The following TMEFF2 variants were observed in gnomAD, a reference collection of about 807,000 sequenced individuals.
TMEFF2 encodes the protein transmembrane protein with EGF like and two follistatin like domains 2.
TMEFF2 carries 28 observed loss-of-function variants against 53.8 expected under a neutral mutation model. The ratio of observed to expected loss-of-function variants is 0.52; its 90% confidence interval spans 0.39 to 0.71. The LOEUF (loss-of-function observed/expected upper bound fraction) is 0.71. Among genes scored for constraint, TMEFF2 ranks in the 30% least tolerant of loss-of-function variants. The probability of loss-of-function intolerance (pLI) is 0.00; values close to 1 mark genes in which losing one functional copy is unlikely to be tolerated. For synonymous variants in TMEFF2, 162 were observed against 166.3 expected (o/e 0.97, Z 0.20); for missense variants, 353 against 455.2 (o/e 0.78, Z 2.04).
intron 4 of TMEFF2, among the ~76,000 whole-genome samples, chr2:192,097,187 T>C (rs1156893287): frequency 6.6e-6 from 1 of 152,246 alleles, no homozygotes; most frequent in African/African-American, 2.4e-5. Context: ...CTTCTACACG[T>C]GAAAAGCTCC....
At position 192,057,673 on chromosome 2, in the gene TMEFF2, T is replaced by C. The variant is rs751805438; in HGVS notation, c.536+6A>G. 1 of 1,611,748 alleles carries C rather than the reference T, an allele frequency of 6.2e-7. No homozygotes were observed. Among genetic ancestry groups the C allele is most frequent in the Non-Finnish European group, 8.5e-7 (1 of 1,177,842 alleles). On this transcript the variant is annotated splice_donor_region_variant and intron_variant, in intron 5 of 9. Transcript: ENST00000272771. The stretch of plus-strand genomic sequence containing the variant: ...TTTGTCTAAAAGAATAAAAACAGCA[T>C]ATTACCAGACATCCTCGGCATCTTC...
At chr2:192,131,569 ATC>A (rs1258159476) in intron 4 of TMEFF2, among the ~76,000 whole-genome samples, 1 of 151,066 alleles carries the variant, frequency 6.6e-6, no homozygotes, top group South Asian at 2.1e-4. Context: ...CCAACCTCTT[ATC>A]TCTGTGCCCC....
At chr2:192,123,814 GA>G (rs1353152217) in intron 4 of TMEFF2, among the ~76,000 whole-genome samples, 4 of 151,996 alleles carry the variant, frequency 2.6e-5, no homozygotes, top group African/African-American at 7.2e-5. Flanking sequence ...TTCCTACTTG[GA>G]AAAAAAATGT....
chr2:192,152,472 A>T (rs556052630), intron 4 of TMEFF2, among the ~76,000 whole-genome samples: 2 of 152,056 alleles, frequency 1.3e-5, no homozygotes, highest in Admixed American at 1.3e-4. Context: ...GGGTCATGAA[A>T]AAAAAGGATT....
In TMEFF2 at chr2:192,000,643, TGA is replaced by T. The variant is rs1488757910; in HGVS notation, c.537-1437_537-1436del. On this transcript the variant is annotated intron_variant, in intron 5 of 9. Transcript: ENST00000272771. ...ATCACTGCTTGATCAGTCTGTTGATTGAGAGAGGCTTTGTATACACACCAGTG... is the reference window on the plus strand; with the variant it reads ...ATCACTGCTTGATCAGTCTGTTGATTGAGAGGCTTTGTATACACACCAGTG... Among the ~76,000 whole-genome samples, 93 of 152,300 alleles carry T rather than the reference TGA, an allele frequency of 6.1e-4. 3 individuals are homozygous for T. The highest frequency in any genetic ancestry group is 5.9e-3 in the Admixed American group (90 of 15,294).
intron 5 of TMEFF2, among the ~76,000 whole-genome samples, chr2:192,004,091 A>G (rs1001124850): frequency 1.3e-5 from 2 of 152,184 alleles, no homozygotes; most frequent in Admixed American, 6.5e-5. Flanking sequence ...AACATCTTCA[A>G]TAAATGGTTG....
At chr2:192,100,510 C>T (rs1559126264) in intron 4 of TMEFF2, among the ~76,000 whole-genome samples, 1 of 152,140 alleles carries the variant, frequency 6.6e-6, no homozygotes, top group East Asian at 1.9e-4. Context: ...CTCACTACTA[C>T]TGTGATACTT....
At chr2:191,964,976 C>T (rs1271278476) in intron 7 of TMEFF2, among the ~76,000 whole-genome samples, 1 of 152,080 alleles carries the variant, frequency 6.6e-6, no homozygotes, top group Non-Finnish European at 1.5e-5. Flanking sequence ...GTGTAGGCTC[C>T]CATTTTCCAA....
intron 4 of TMEFF2, among the ~76,000 whole-genome samples, chr2:192,167,875 C>T (rs765120491): frequency 1.3e-5 from 2 of 152,128 alleles, no homozygotes; most frequent in Non-Finnish European, 2.9e-5. Flanking sequence ...GAGTGGCTTC[C>T]GTGTTGATGC....
intron 4 of TMEFF2, among the ~76,000 whole-genome samples, chr2:192,070,973 C>T (rs940508102): frequency 1.3e-5 from 2 of 151,738 alleles, no homozygotes; most frequent in South Asian, 2.1e-4. Context: ...GAAAGTGACA[C>T]GGGGTCACTT....
At chr2:191,965,942 G>A (rs776304662) in intron 7 of TMEFF2, among the ~76,000 whole-genome samples, 2 of 150,974 alleles carry the variant, frequency 1.3e-5, no homozygotes, top group Admixed American at 6.6e-5. Flanking sequence ...TGTGTGACAC[G>A]TTAGTTCAGA....
In TMEFF2 at chr2:191,955,164, GGAGAGAGAGGGAGA is replaced by G. The variant is rs1305846079; in HGVS notation, c.869+1077_869+1090del. ...GGGGAGGGGGGAGGGAGGAAGAGTG[GGAGAGAGAGGGAGA>G]GAGAGAGAGAGAGAGAAATCTTCTG... On this transcript the variant is annotated intron_variant, in intron 8 of 9. Transcript: ENST00000272771. Among the ~76,000 whole-genome samples, 5 of 9,054 alleles carry G rather than the reference GGAGAGAGAGGGAGA, an allele frequency of 5.5e-4. No individual in the cohort carries two copies. In the East Asian group the frequency reaches 0.021, roughly 38 times the overall value. 5.9% of individuals were successfully genotyped at this position (9,054 alleles called of 152,430 possible). A position where few individuals can be genotyped will look rare whatever the true frequency, so the allele number is the denominator to read the frequency against.
At chr2:191,954,554 T>G (rs1692004655) in intron 8 of TMEFF2, among the ~76,000 whole-genome samples, 1 of 152,136 alleles carries the variant, frequency 6.6e-6, no homozygotes, top group Admixed American at 6.5e-5. Flanking sequence ...TCTGATGACA[T>G]GGGTACAAAA....
chr2:191,979,857 G>GATCTATCTATCTATCT lies in TMEFF2; in HGVS notation c.745+18389_745+18404dup, dbSNP rs535953153. Among the ~76,000 whole-genome samples, 116 of 150,724 alleles carry GATCTATCTATCTATCT rather than the reference G, an allele frequency of 7.7e-4. 1 individual carries two copies. Among genetic ancestry groups the GATCTATCTATCTATCT allele is most frequent in the African/African-American group, 2.6e-3 (106 of 41,088 alleles). ...CTATATATATCTCTATCTATCTATC[G>GATCTATCTATCTATCT]ATCTATCTATCTATCTATATGTTTT... On this transcript the variant is annotated intron_variant, in intron 7 of 9. Coordinates refer to ENST00000272771, the MANE Select transcript of TMEFF2 (RefSeq NM_016192.4).
At chr2:192,097,820 A>C (rs1448574705) in intron 4 of TMEFF2, among the ~76,000 whole-genome samples, 5 of 152,216 alleles carry the variant, frequency 3.3e-5, no homozygotes, top group Middle Eastern at 3.2e-3. Context: ...TAAAAATTTT[A>C]TAAATGAATT....
intron 4 of TMEFF2, among the ~76,000 whole-genome samples, chr2:192,073,191 A>G (rs1044126303): frequency 6.6e-6 from 1 of 151,980 alleles, no homozygotes; most frequent in Non-Finnish European, 1.5e-5. Context: ...AGGTATTTTT[A>G]AATGGGGAAG....
intron 7 of TMEFF2, among the ~76,000 whole-genome samples, chr2:191,995,166 C>T (rs1686194445): frequency 6.6e-6 from 1 of 151,924 alleles, no homozygotes; most frequent in African/African-American, 2.4e-5. Context: ...CCTGCTGATC[C>T]TTGCTGGGAT....
chr2:192,031,815 A>G (rs1466005333), intron 5 of TMEFF2: 2 of 152,216 alleles, frequency 1.3e-5, no homozygotes, highest in African/African-American at 4.8e-5. Flanking sequence ...TTTTCAAGGA[A>G]GATGACCCAC....
rs561720429 is a variant in TMEFF2, at chr2:192,049,089, T to C, written c.536+8590A>G. 3.9e-5 allele frequency among the ~76,000 whole-genome samples: 6 copies of C among 152,346 alleles called. No homozygotes were observed. The East Asian group carries it at 7.7e-4, about 20-fold the overall frequency. On this transcript the variant is annotated intron_variant, in intron 5 of 9. Transcript: ENST00000272771. The stretch of plus-strand genomic sequence containing the variant: ...TCATCCCAAACTGCCACTTAAAGTC[T>C]TTGTTTTCCCATTAAAACATGTAAA...
Sources: allele counts gnomAD v4.1 joint callset (sites outside exome capture counted in the v4.1 genomes callset), GRCh38; gene constraint gnomAD v4.1.1; transcripts MANE v1.5; gene names NCBI Gene and HGNC (gene_info 2026-07-23, HGNC 2026-07-21).